The following PLCB1 variants were observed in gnomAD, a reference collection of about 807,000 sequenced individuals.
PLCB1 encodes the protein phospholipase C beta 1, also known as 1-phosphatidylinositol 4,5-bisphosphate phosphodiesterase beta-1.
In PLCB1, 46 loss-of-function variants were observed where a neutral mutation model predicts 161.8. The observed-to-expected ratio is 0.28, with a 90% CI of 0.22 to 0.36. PLCB1 has a LOEUF of 0.36. Ranked by LOEUF, PLCB1 falls within the 10% of genes least tolerant of loss-of-function variation. PLCB1 has a pLI of 1.00. For synonymous variants in PLCB1, 517 were observed against 503.7 expected (o/e 1.03, Z -0.35); for missense variants, 1,016 against 1,472.5 (o/e 0.69, Z 5.07).
intron 2 of PLCB1, among the ~76,000 whole-genome samples, chr20:8,248,543 A>G (rs1980993929): frequency 6.6e-6 from 1 of 151,968 alleles, no homozygotes; most frequent in African/African-American, 2.4e-5. Context: ...CAGCAGCAGT[A>G]TCTGCTACGT....
At position 8,436,766 on chromosome 20, in the gene PLCB1, G is replaced by A. The variant is rs546866877; in HGVS notation, c.246+65316G>A. On this transcript the variant is annotated intron_variant, in intron 3 of 31. Transcript: ENST00000338037. ...TGTGCCAACACTTGACCTAGCCACC[G>A]TAGCCATGGAATTTTATTTATTTAT... 4.6e-5 allele frequency among the ~76,000 whole-genome samples: 7 copies of A among 152,116 alleles called. No homozygotes were observed. The South Asian group carries it at 6.2e-4, about 14-fold the overall frequency.
At chr20:8,625,575 G>A (rs1335640999) in intron 3 of PLCB1, among the ~76,000 whole-genome samples, 3 of 152,184 alleles carry the variant, frequency 2.0e-5, no homozygotes, top group Admixed American at 2.0e-4. Flanking sequence ...GAAAAAGGAC[G>A]TTAGTAAGAA....
chr20:8,255,876 A>G (rs374808934), intron 2 of PLCB1, among the ~76,000 whole-genome samples: 12 of 152,184 alleles, frequency 7.9e-5, no homozygotes, highest in African/African-American at 2.9e-4. Flanking sequence ...CGAACCACAT[A>G]TATGATGGTG....
At chr20:8,213,924 C>T in intron 2 of PLCB1, among the ~76,000 whole-genome samples, 1 of 151,984 alleles carries the variant, frequency 6.6e-6, no homozygotes. Flanking sequence ...CAAATAACGT[C>T]ATTTTCCGAC....
chr20:8,630,238 C>T (rs1355340361), intron 4 of PLCB1, among the ~76,000 whole-genome samples: 1 of 151,882 alleles, frequency 6.6e-6, no homozygotes, highest in Non-Finnish European at 1.5e-5. Context: ...AGGCGCATGC[C>T]ACCATGCCCA....
At chr20:8,341,546 T>C (rs1408121444) in intron 2 of PLCB1, among the ~76,000 whole-genome samples, 1 of 152,190 alleles carries the variant, frequency 6.6e-6, no homozygotes, top group Non-Finnish European at 1.5e-5. Context: ...CAGATCTTCA[T>C]GGGGATGTTT....
At chr20:8,461,183 G>A (rs145799055) in intron 3 of PLCB1, among the ~76,000 whole-genome samples, 1 of 152,156 alleles carries the variant, frequency 6.6e-6, no homozygotes, top group East Asian at 1.9e-4. Context: ...TCTGAAAGTC[G>A]AGGGCTCTTT....
At chr20:8,849,962 G>A (rs947882522) in intron 31 of PLCB1, among the ~76,000 whole-genome samples, 5 of 152,058 alleles carry the variant, frequency 3.3e-5, no homozygotes, top group East Asian at 3.9e-4. Context: ...GCAGTGAGCC[G>A]AGATCACGCC....
intron 3 of PLCB1, among the ~76,000 whole-genome samples, chr20:8,479,278 T>C (rs1982405632): frequency 1.3e-5 from 2 of 152,308 alleles, no homozygotes; most frequent in South Asian, 4.1e-4. Context: ...TTTATTTTTA[T>C]TATAGAATGA....
At chr20:8,742,648 C>G (rs1231737864) in intron 23 of PLCB1, among the ~76,000 whole-genome samples, 1 of 152,128 alleles carries the variant, frequency 6.6e-6, no homozygotes, top group Non-Finnish European at 1.5e-5. Flanking sequence ...TATTCACAGT[C>G]TGTGTTTTAA....
chr20:8,254,136 C>T (rs1476379673), intron 2 of PLCB1, among the ~76,000 whole-genome samples: 1 of 151,928 alleles, frequency 6.6e-6, no homozygotes, highest in African/African-American at 2.4e-5. Flanking sequence ...TTTCAGAGAA[C>T]CTTTTCCCTG....
chr20:8,748,017 AG>A (rs1346072568), intron 23 of PLCB1, among the ~76,000 whole-genome samples: 5 of 152,202 alleles, frequency 3.3e-5, no homozygotes, highest in Admixed American at 6.5e-5. Flanking sequence ...ATCAAAGATG[AG>A]GTTTACAGCT....
chr20:8,489,563 A>G (rs907295054), intron 3 of PLCB1, among the ~76,000 whole-genome samples: 5 of 152,240 alleles, frequency 3.3e-5, no homozygotes, highest in African/African-American at 1.2e-4. Context: ...TTCATTTAGT[A>G]GATTTTTCAA....
At chr20:8,690,626 G>A (rs1470155181) in intron 10 of PLCB1, among the ~76,000 whole-genome samples, 1 of 152,122 alleles carries the variant, frequency 6.6e-6, no homozygotes, top group Non-Finnish European at 1.5e-5. Context: ...TTATAATAGT[G>A]ATGTTATATA....
At chr20:8,164,372 G>A (rs763147130) in intron 2 of PLCB1, among the ~76,000 whole-genome samples, 35 of 152,248 alleles carry the variant, frequency 2.3e-4, no homozygotes, top group Admixed American at 9.2e-4. Flanking sequence ...TTTTCTCACC[G>A]TAGAGCTGTG....
intron 2 of PLCB1, among the ~76,000 whole-genome samples, chr20:8,354,786 T>C (rs1418711301): frequency 6.6e-6 from 1 of 152,212 alleles, no homozygotes; most frequent in African/African-American, 2.4e-5. Flanking sequence ...GCTAGTACTA[T>C]TATTTCTCAC....
intron 31 of PLCB1, among the ~76,000 whole-genome samples, chr20:8,845,713 G>A (rs6140764): frequency 0.33 from 50,044 of 151,854 alleles, 9,057 homozygotes; most frequent in East Asian, 0.63. Flanking sequence ...GAAGATTTTA[G>A]CATATCCCTC....
At chr20:8,534,004 C>T (rs1002828611) in intron 3 of PLCB1, among the ~76,000 whole-genome samples, 9 of 152,116 alleles carry the variant, frequency 5.9e-5, no homozygotes, top group Admixed American at 4.6e-4. Context: ...TTACGTCTAA[C>T]GTTTAGGTCT....
At chr20:8,137,355 CAG>C (rs1373185153) in intron 1 of PLCB1, among the ~76,000 whole-genome samples, 3 of 152,182 alleles carry the variant, frequency 2.0e-5, no homozygotes, top group Non-Finnish European at 4.4e-5. Flanking sequence ...TTATGGGAAA[CAG>C]GGAGGAAACT....
Sources: gnomAD v4.1 joint callset for allele counts (sites outside exome capture counted in the v4.1 genomes callset) on GRCh38, gnomAD v4.1.1 for gene constraint, MANE v1.5 for transcripts, NCBI Gene and HGNC (gene_info 2026-07-23, HGNC 2026-07-21) for gene names.